Variants in DNAH5 observed in about 807,000 individuals in gnomAD.
The protein encoded by DNAH5 is dynein axonemal heavy chain 5, also known as axonemal beta dynein heavy chain 5.
Under a neutral mutation model 518.2 loss-of-function variants are expected in DNAH5, and 372 were observed. The observed-to-expected ratio is 0.72, with a 90% confidence interval of 0.66 to 0.78. The LOEUF is 0.78. Ranked by LOEUF, DNAH5 falls within the 30% of genes least tolerant of loss-of-function variation. The pLI, the probability that DNAH5 is intolerant of heterozygous loss-of-function variation, is 0.00. For missense variants in DNAH5, 5,523 were observed against 5,687.0 expected, an observed-to-expected ratio of 0.97 and a Z score of 0.93; for synonymous variants, 2,039 against 2,025.9, an observed-to-expected ratio of 1.01 and a Z score of -0.17.
At chr5:13,732,593 T>C (rs1423985374) in intron 68 of DNAH5, among the ~76,000 whole-genome samples, 1 of 152,100 alleles carries the variant, frequency 6.6e-6, no homozygotes, top group African/African-American at 2.4e-5. Flanking sequence ...GGTCTTGAAC[T>C]CCTGACCTCA....
At chr5:13,748,642 T>C (rs981548647) in intron 65 of DNAH5, among the ~76,000 whole-genome samples, 6 of 152,200 alleles carry the variant, frequency 3.9e-5, no homozygotes, top group African/African-American at 1.4e-4. Flanking sequence ...TTTGAAGCAA[T>C]TGTGAATGGG....
chr5:13,862,947 G>A (rs1048617926), intron 28 of DNAH5, among the ~76,000 whole-genome samples, 200 bp from the exon 29 acceptor site: 3 of 151,850 alleles, frequency 2.0e-5, no homozygotes, highest in Admixed American at 1.3e-4. Context: ...GAGAGATGGA[G>A]ATAAAGATAT....
chr5:13,929,044 C>T (rs190943328), intron 2 of DNAH5, among the ~76,000 whole-genome samples: 123 of 152,328 alleles, frequency 8.1e-4, no homozygotes, highest in Non-Finnish European at 1.5e-3. Context: ...TTTGTATACC[C>T]ATGTTCATAG....
chr5:13,783,228 G>A (rs114499074), intron 52 of DNAH5, among the ~76,000 whole-genome samples: 455 of 152,296 alleles, frequency 3.0e-3, no homozygotes, highest in Non-Finnish European at 5.6e-3. Flanking sequence ...GGCCTGAAGT[G>A]CCCCCTGGGG....
chr5:13,783,067 C>G (rs995545949), intron 52 of DNAH5, among the ~76,000 whole-genome samples: 12 of 152,124 alleles, frequency 7.9e-5, no homozygotes, highest in African/African-American at 2.9e-4. Flanking sequence ...GGGGAAACAT[C>G]CCCGCCTGGG....
chr5:13,920,533 T>C lies in DNAH5; in HGVS notation c.745A>G (p.Thr249Ala), dbSNP rs760888076. The C allele has an allele frequency of 6.2e-7, 1 of 1,614,178 alleles. No individual in the cohort carries two copies. Reference protein sequence around the residue: ...DYLTLANNPETLGKIEDCMKV... With the variant: ...DYLTLANNPEALGKIEDCMKV... ...ATGCAATCCTCTATTTTTCCCAAAG[T>C]CTCAGGGTTATTTGCTAGAGTCAAG... The change falls in exon 6 of 79, where the codon ACT (threonine) becomes GCT (alanine). Residue 249 changes from threonine (T) to alanine (A), a missense_variant. By Grantham distance (58) the Thr-to-Ala change is moderately conservative (BLOSUM62 0). This residue lies in a region of DNAH5 where 5,121 missense variants were observed against 5,223.3 expected (regional missense o/e 0.98). Coordinates refer to ENST00000265104, the MANE Select transcript of DNAH5 (RefSeq NM_001369.3).
At chr5:13,759,787 T>G (rs1288128775) in intron 60 of DNAH5, among the ~76,000 whole-genome samples, 1 of 152,238 alleles carries the variant, frequency 6.6e-6, no homozygotes, top group Non-Finnish European at 1.5e-5. Flanking sequence ...ACCAAATTTT[T>G]CCCTTTTAAA....
chr5:13,854,230 A>AAAGAAT (rs1473526794), intron 30 of DNAH5, among the ~76,000 whole-genome samples: 1 of 152,210 alleles, frequency 6.6e-6, no homozygotes, highest in Non-Finnish European at 1.5e-5. Flanking sequence ...AACATTCTTA[A>AAAGAAT]AAGAATTTTC....
At position 13,719,002 on chromosome 5, in the gene DNAH5, G is replaced by A. The variant is rs148696723; in HGVS notation, c.12379C>T (p.Arg4127Cys). ...IETELVHDAFRLWMTTEAHKQ... is the reference protein window; with the variant it reads ...IETELVHDAFCLWMTTEAHKQ... ...TGAGCCTCGGTGGTCATCCAGAGGC[G>A]GAACGCATCATGTACAAGCTCAGTT... Residue 4127 changes from arginine (R) to cysteine (C), a missense_variant, in exon 72 of 79, where the codon CGC becomes TGC. Arg to Cys is a radical substitution (Grantham distance 180). Around this residue, in one of 3 missense-constraint regions of DNAH5, gnomAD observed 5,121 missense variants for 5,223.3 expected, o/e 0.98. Transcript: ENST00000265104. 134 of 1,613,702 alleles carry A rather than the reference G, an allele frequency of 8.3e-5. No individual in the cohort carries two copies. Among genetic ancestry groups the A allele is most frequent in the Admixed American group, 2.2e-4 (13 of 59,974 alleles).
Position 13,900,711 on chromosome 5 carries a change from A to G in DNAH5, c.2053-299T>C, listed in dbSNP as rs1561534613. The G allele has an allele frequency of 1.8e-5, 8 of 438,048 alleles. No individual in the cohort carries two copies. The East Asian group carries it at 3.3e-4, about 18-fold the overall frequency. 27.1% of individuals were successfully genotyped at this position (438,048 alleles called of 1,614,324 possible). On this transcript the variant is annotated intron_variant, in intron 14 of 78. Transcript: ENST00000265104. ...CTCAAAAGCCATTTAGCTACCTGAT[A>G]CCTTCATGCCTACTCTATTATTCTT...
chr5:13,731,422 A>AG (rs1278646541), intron 68 of DNAH5, among the ~76,000 whole-genome samples: 1 of 152,204 alleles, frequency 6.6e-6, no homozygotes, highest in Admixed American at 6.5e-5. Flanking sequence ...CGCGGGCCAG[A>AG]GTATTATTCA....
At chr5:13,775,524 A>G (rs904647736) in intron 55 of DNAH5, among the ~76,000 whole-genome samples, 8 of 151,938 alleles carry the variant, frequency 5.3e-5, no homozygotes, top group Non-Finnish European at 1.2e-4. Flanking sequence ...ACAGATAGAT[A>G]GATAGACAGA....
At chr5:13,938,845 A>G (rs1015594713) in intron 1 of DNAH5, among the ~76,000 whole-genome samples, 1 of 152,236 alleles carries the variant, frequency 6.6e-6, no homozygotes, top group African/African-American at 2.4e-5. Context: ...TGATCATCTC[A>G]GGCCAGCTAA....
chr5:13,963,988 A>G (rs1407561782), intron 1 of DNAH5, among the ~76,000 whole-genome samples: 1 of 152,182 alleles, frequency 6.6e-6, no homozygotes, highest in Admixed American at 6.5e-5. Context: ...ATTCTGCTTC[A>G]ACATACCTTC....
chr5:13,813,457 G>GAAAAAAAAAAAAAA, intron 43 of DNAH5, among the ~76,000 whole-genome samples: 1 of 136,770 alleles, frequency 7.3e-6, no homozygotes, highest in Non-Finnish European at 1.6e-5. Context: ...GCACTTAAAA[G>GAAAAAAAAAAAAAA]AAAAAAAAAA....
intron 1 of DNAH5, among the ~76,000 whole-genome samples, chr5:13,981,071 G>T (rs113601240): frequency 2.6e-5 from 4 of 152,144 alleles, no homozygotes; most frequent in African/African-American, 9.7e-5. Context: ...ACCTTCTCCA[G>T]CTCCCTTGCT....
At chr5:13,997,728 T>C (rs1223783949) in intron 1 of DNAH5, among the ~76,000 whole-genome samples, 1 of 152,270 alleles carries the variant, frequency 6.6e-6, no homozygotes, top group Non-Finnish European at 1.5e-5. Context: ...TTCAGGTATT[T>C]GTTACAGCAG....
intron 30 of DNAH5, among the ~76,000 whole-genome samples, chr5:13,858,239 C>CA (rs1561446120): frequency 1.3e-5 from 2 of 151,818 alleles, no homozygotes; most frequent in African/African-American, 4.8e-5. Flanking sequence ...TATGCAGCCA[C>CA]AAAAAAGGAG....
intron 21 of DNAH5, among the ~76,000 whole-genome samples, chr5:13,881,070 A>G (rs1392747311): frequency 6.6e-6 from 1 of 152,044 alleles, no homozygotes; most frequent in Non-Finnish European, 1.5e-5. Flanking sequence ...ATCATATAAT[A>G]AAAAGGGAAT....
Sources: gnomAD v4.1 joint callset for allele counts (sites outside exome capture counted in the v4.1 genomes callset) on GRCh38, gnomAD v4.1.1 for gene constraint, gnomAD v4.1.1 regional missense constraint, MANE v1.5 for transcripts, NCBI Gene and HGNC (gene_info 2026-07-23, HGNC 2026-07-21) for gene names.